SDK1: variants seen among roughly 807,000 people sequenced by gnomAD.
SDK1 encodes the protein sidekick cell adhesion molecule 1, also known as protein sidekick-1.
SDK1 carries 157 observed loss-of-function variants against 245.5 expected under a neutral mutation model. That is an observed-to-expected ratio of 0.64 (90% CI 0.56 to 0.73). The LOEUF is 0.73. SDK1 is among the 30% of genes least tolerant of loss of function. The pLI is 0.00. For missense variants in SDK1, 3,583 were observed against 3,002.3 expected (o/e 1.19, Z -4.52); for synonymous variants, 1,647 against 1,278.5 (o/e 1.29, Z -6.15).
intron 28 of SDK1, among the ~76,000 whole-genome samples, chr7:4,137,460 G>C (rs1217265548): frequency 6.6e-6 from 1 of 152,170 alleles, no homozygotes; most frequent in African/African-American, 2.4e-5. Flanking sequence ...TCGAGCAGTG[G>C]ACGGTTCTGG....
At chr7:4,066,566 C>T (rs6971090) in intron 19 of SDK1, among the ~76,000 whole-genome samples, 33,756 of 152,148 alleles carry the variant, frequency 0.22, 5,046 homozygotes, top group African/African-American at 0.43. Context: ...TTGGGAGTAA[C>T]GGCATCCGGG....
chr7:3,848,458 T>C (rs767454464), intron 5 of SDK1, among the ~76,000 whole-genome samples: 10 of 151,964 alleles, frequency 6.6e-5, no homozygotes, highest in Non-Finnish European at 1.2e-4. Flanking sequence ...GAAAGGGAAG[T>C]TGAGAGGGAG....
chr7:4,153,339 A>C (rs1038027571), intron 30 of SDK1, among the ~76,000 whole-genome samples: 1 of 151,608 alleles, frequency 6.6e-6, no homozygotes, highest in Non-Finnish European at 1.5e-5. Context: ...TAATCCCAGC[A>C]CTTTGGGAGG....
rs1182193375 is a variant in SDK1, at chr7:3,673,569, C to G, written c.713+31464C>G. Among the ~76,000 whole-genome samples, 7 of 152,212 alleles carry G rather than the reference C, an allele frequency of 4.6e-5. No homozygotes were observed. The South Asian group carries it at 1.0e-3, about 23-fold the overall frequency. On this transcript the variant is annotated intron_variant, in intron 4 of 44. Coordinates refer to ENST00000404826, the MANE Select transcript of SDK1 (RefSeq NM_152744.4). ...GTTATTACATGAGTTTATTAACATT[C>G]ACTGTGAGATGCCTTGGTATAGACT...
intron 13 of SDK1, among the ~76,000 whole-genome samples, chr7:3,985,017 C>G (rs1583729162): frequency 1.3e-5 from 2 of 152,208 alleles, no homozygotes; most frequent in Non-Finnish European, 1.5e-5. Context: ...ATGGTTGAAC[C>G]TAGTCCCCAG....
intron 22 of SDK1, among the ~76,000 whole-genome samples, chr7:4,101,427 G>A (rs1007443967): frequency 1.3e-5 from 2 of 152,160 alleles, no homozygotes; most frequent in Non-Finnish European, 2.9e-5. Context: ...GATTACAGGC[G>A]TGAGCCACCG....
At chr7:3,999,369 C>G (rs951954981) in intron 14 of SDK1, among the ~76,000 whole-genome samples, 3 of 152,066 alleles carry the variant, frequency 2.0e-5, no homozygotes, top group African/African-American at 4.8e-5. Context: ...AGAACACTCA[C>G]AAAATTAAAT....
chr7:3,716,213 T>C (rs1021464089), intron 4 of SDK1, among the ~76,000 whole-genome samples: 1 of 151,314 alleles, frequency 6.6e-6, no homozygotes, highest in African/African-American at 2.4e-5. Context: ...GAAAGAAAAT[T>C]GGGACTGAAA....
At chr7:3,630,791 A>G (rs572612848) in intron 2 of SDK1, among the ~76,000 whole-genome samples, 6 of 151,750 alleles carry the variant, frequency 4.0e-5, no homozygotes, top group African/African-American at 9.8e-5. Context: ...CTGTGTTTAT[A>G]TATCTGAAGG....
chr7:3,318,600 C>G (rs967159024), intron 1 of SDK1, among the ~76,000 whole-genome samples: 4 of 152,112 alleles, frequency 2.6e-5, no homozygotes, highest in African/African-American at 9.7e-5. Context: ...TTTGTCTTAC[C>G]TTGGTTGTCC....
chr7:3,513,780 C>G (rs931302164), intron 1 of SDK1, among the ~76,000 whole-genome samples: 12 of 152,130 alleles, frequency 7.9e-5, no homozygotes, highest in Non-Finnish European at 1.5e-4. Flanking sequence ...ACTTTTCAGT[C>G]TAGTCCCACC....
chr7:3,453,926 G>C (rs1387985851), intron 1 of SDK1, among the ~76,000 whole-genome samples: 1 of 152,078 alleles, frequency 6.6e-6, no homozygotes, highest in Non-Finnish European at 1.5e-5. Flanking sequence ...TGACTGTTAA[G>C]TAATCACATT....
intron 4 of SDK1, among the ~76,000 whole-genome samples, chr7:3,750,991 G>A (rs1779757480): frequency 6.6e-6 from 1 of 152,130 alleles, no homozygotes. Flanking sequence ...TTTACCTTTT[G>A]AGAACTGTCT....
At chr7:3,625,742 T>C (rs1221388916) in intron 2 of SDK1, among the ~76,000 whole-genome samples, 1 of 152,144 alleles carries the variant, frequency 6.6e-6, no homozygotes, top group Admixed American at 6.5e-5. Context: ...AGCTCAAGCA[T>C]TGGTAAGCAG....
At chr7:3,471,567 G>A (rs528215151) in intron 1 of SDK1, among the ~76,000 whole-genome samples, 6 of 152,156 alleles carry the variant, frequency 3.9e-5, no homozygotes, top group South Asian at 2.1e-4. Flanking sequence ...CCATTTAGAC[G>A]CAATTCAATT....
chr7:3,916,817 A>G (rs889468803), intron 5 of SDK1, among the ~76,000 whole-genome samples: 1 of 152,244 alleles, frequency 6.6e-6, no homozygotes, highest in African/African-American at 2.4e-5. Flanking sequence ...ATTGTAGATT[A>G]TTAATTGATA....
At chr7:3,396,756 C>T (rs192347150) in intron 1 of SDK1, among the ~76,000 whole-genome samples, 2 of 151,658 alleles carry the variant, frequency 1.3e-5, no homozygotes, top group Non-Finnish European at 3.0e-5. Context: ...ATGTGAATCT[C>T]TTCCAGACAG....
intron 4 of SDK1, among the ~76,000 whole-genome samples, chr7:3,658,737 C>T (rs951942605): frequency 6.6e-6 from 1 of 151,858 alleles, no homozygotes; most frequent in African/African-American, 2.4e-5. Context: ...GTCTCAGCCT[C>T]CTGAGTAGCT....
intron 44 of SDK1, among the ~76,000 whole-genome samples, chr7:4,252,562 A>G (rs1787373380): frequency 6.6e-6 from 1 of 152,122 alleles, no homozygotes; most frequent in Admixed American, 6.5e-5. Flanking sequence ...TCAGTTTTCA[A>G]TATTGCTGAG....
Sources: allele counts gnomAD v4.1 joint callset (sites outside exome capture counted in the v4.1 genomes callset), GRCh38; gene constraint gnomAD v4.1.1; transcripts MANE v1.5; gene names NCBI Gene and HGNC (gene_info 2026-07-23, HGNC 2026-07-21).